Variants in ABTB3 observed in about 807,000 individuals in gnomAD.
ABTB3 encodes the protein ankyrin repeat and BTB domain containing 3.
At chr12:107,401,135 C>G in the ABTB3 span, among the ~76,000 whole-genome samples, 1 of 152,192 alleles carries the variant, frequency 6.6e-6, no homozygotes. Flanking sequence ...AGGTGGCTGT[C>G]TGTACCATGT....
the ABTB3 span, among the ~76,000 whole-genome samples, chr12:107,370,757 ATTTTTTTTTTTTTTTTTTTT>A: frequency 5.8e-4 from 51 of 87,470 alleles, no homozygotes; most frequent in Admixed American, 2.3e-3. Flanking sequence ...CAAAAAAGGG[ATTTTTTTTTTTTTTTTTTTT>A]TTTTTTTTAC....
At chr12:107,503,837 G>A in the ABTB3 span, among the ~76,000 whole-genome samples, 1 of 151,960 alleles carries the variant, frequency 6.6e-6, no homozygotes, top group East Asian at 1.9e-4. Flanking sequence ...GCGGTGGAGA[G>A]GAGGGAAGAA....
At chr12:107,633,155 C>T in the ABTB3 span, among the ~76,000 whole-genome samples, 1 of 152,150 alleles carries the variant, frequency 6.6e-6, no homozygotes, top group Non-Finnish European at 1.5e-5. Flanking sequence ...TCCTAACCCC[C>T]AAGGTGGTGA....
the ABTB3 span, among the ~76,000 whole-genome samples, chr12:107,348,890 C>A: frequency 6.6e-6 from 1 of 152,152 alleles, no homozygotes; most frequent in African/African-American, 2.4e-5. Flanking sequence ...TGGGAGGTGA[C>A]ACTTGAGCAG....
chr12:107,460,044 TC>T, the ABTB3 span, among the ~76,000 whole-genome samples: 1 of 152,362 alleles, frequency 6.6e-6, no homozygotes, highest in African/African-American at 2.4e-5. Context: ...CCCTGCTACA[TC>T]AGTGTTCTGG....
chr12:107,396,477 C>A, the ABTB3 span, among the ~76,000 whole-genome samples: 1 of 152,160 alleles, frequency 6.6e-6, no homozygotes, highest in African/African-American at 2.4e-5. Flanking sequence ...TAAAAAGATC[C>A]ATTCATCCAG....
At chr12:107,635,856 C>CGCT in the ABTB3 span, among the ~76,000 whole-genome samples, 17 of 73,358 alleles carry the variant, frequency 2.3e-4, no homozygotes, top group East Asian at 6.8e-3. Context: ...AACAACCCCC[C>CGCT]CCCCCCCACC....
the ABTB3 span, among the ~76,000 whole-genome samples, chr12:107,637,702 G>A: frequency 6.6e-6 from 1 of 152,004 alleles, no homozygotes; most frequent in Non-Finnish European, 1.5e-5. Flanking sequence ...GTGGGACCAG[G>A]CAGGTGATAT....
chr12:107,510,359 C>T, the ABTB3 span, among the ~76,000 whole-genome samples: 2 of 151,974 alleles, frequency 1.3e-5, no homozygotes, highest in African/African-American at 2.4e-5. Flanking sequence ...CCAAGGCTTA[C>T]ACGGTCAGCC....
At chr12:107,358,429 G>A in the ABTB3 span, among the ~76,000 whole-genome samples, 3 of 152,156 alleles carry the variant, frequency 2.0e-5, no homozygotes, top group Non-Finnish European at 2.9e-5. Flanking sequence ...GAAGAGTGAG[G>A]AGGCCTGCTG....
chr12:107,415,483 C>T, the ABTB3 span, among the ~76,000 whole-genome samples: 9 of 151,976 alleles, frequency 5.9e-5, 1 homozygote, highest in South Asian at 1.5e-3. Context: ...CCGAGGTGGG[C>T]GGATCACAAG....
At chr12:107,557,460 A>G in the ABTB3 span, among the ~76,000 whole-genome samples, 1 of 152,272 alleles carries the variant, frequency 6.6e-6, no homozygotes, top group Non-Finnish European at 1.5e-5. Flanking sequence ...CTGTATATAA[A>G]TAAACGCAGA....
chr12:107,556,452 A>G, the ABTB3 span, among the ~76,000 whole-genome samples: 1 of 152,118 alleles, frequency 6.6e-6, no homozygotes, highest in African/African-American at 2.4e-5. Flanking sequence ...TAGCTTACCC[A>G]GGTCATATAG....
the ABTB3 span, chr12:107,617,080 C>G: frequency 8.7e-6 from 14 of 1,613,710 alleles, no homozygotes; most frequent in East Asian, 2.5e-4. Flanking sequence ...GGCCGCTCTT[C>G]CTCTGCAGCT....
the ABTB3 span, among the ~76,000 whole-genome samples, chr12:107,516,290 A>T: frequency 1.3e-5 from 2 of 151,624 alleles, no homozygotes; most frequent in South Asian, 2.1e-4. Context: ...GAGTGCAGTG[A>T]CATGATCTCA....
chr12:107,354,433 C>G, the ABTB3 span, among the ~76,000 whole-genome samples: 3 of 152,070 alleles, frequency 2.0e-5, no homozygotes, highest in African/African-American at 4.8e-5. Flanking sequence ...CTGGCAACCA[C>G]AAATTTATTT....
the ABTB3 span, among the ~76,000 whole-genome samples, chr12:107,543,433 G>A: frequency 6.6e-6 from 1 of 151,980 alleles, no homozygotes; most frequent in Admixed American, 6.6e-5. Flanking sequence ...TTTCCTAGAG[G>A]AATTAATTTA....
At chr12:107,581,448 G>A in the ABTB3 span, 1 of 599,524 alleles carries the variant, frequency 1.7e-6, no homozygotes, top group Non-Finnish European at 2.4e-6. Context: ...GGTTGAAGTG[G>A]CAGACGCGGG....
At chr12:107,530,684 G>A in the ABTB3 span, among the ~76,000 whole-genome samples, 17 of 151,836 alleles carry the variant, frequency 1.1e-4, no homozygotes, top group African/African-American at 3.6e-4. Context: ...CATCTTTAAC[G>A]GCTGCAAAAG....
Sources: allele counts gnomAD v4.1 joint callset (sites outside exome capture counted in the v4.1 genomes callset), GRCh38; gene constraint gnomAD v4.1.1; transcripts MANE v1.5; gene names NCBI Gene and HGNC (gene_info 2026-07-23, HGNC 2026-07-21).